The following DACH1 variants were observed in gnomAD, a reference collection of about 807,000 sequenced individuals.
DACH1 encodes dachshund family transcription factor 1.
A neutral mutation model predicts 54.2 loss-of-function variants in DACH1; 12 were observed. The observed-to-expected ratio is 0.22, with a 90% CI of 0.14 to 0.36. The LOEUF (loss-of-function observed/expected upper bound fraction) is 0.36, where lower values mean the gene tolerates loss of function less well. DACH1 is among the 10% of genes least tolerant of loss of function. DACH1 has a pLI of 1.00. For synonymous variants in DACH1, 386 were observed against 366.2 expected (o/e 1.05, Z -0.62); for missense variants, 805 against 929.8 (o/e 0.87, Z 1.75).
intron 8 of DACH1, among the ~76,000 whole-genome samples, chr13:71,477,424 T>G (rs1877671872): frequency 6.6e-6 from 1 of 151,902 alleles, no homozygotes; most frequent in Non-Finnish European, 1.5e-5. Flanking sequence ...CCCGGCCTAT[T>G]ATTAATATTT....
intron 1 of DACH1, among the ~76,000 whole-genome samples, chr13:71,778,100 A>G (rs1384025674): frequency 1.7e-5 from 2 of 114,828 alleles, no homozygotes. Flanking sequence ...TACAATAAAT[A>G]AATAAATAAA....
chr13:71,526,706 G>GTA (rs36030987), intron 6 of DACH1, among the ~76,000 whole-genome samples: 17,007 of 144,116 alleles, frequency 0.12, 1,524 homozygotes, highest in East Asian at 0.41. Flanking sequence ...ATGTGTGTGT[G>GTA]TATATATATA....
chr13:71,564,738 C>T (rs1486311269), intron 4 of DACH1, among the ~76,000 whole-genome samples: 7 of 152,038 alleles, frequency 4.6e-5, no homozygotes, highest in Admixed American at 4.6e-4. Flanking sequence ...TATATTTTAT[C>T]AAATTAAAAT....
chr13:71,617,351 C>T (rs963203838), intron 3 of DACH1, among the ~76,000 whole-genome samples: 2 of 151,938 alleles, frequency 1.3e-5, no homozygotes. Flanking sequence ...ACCTTTATTT[C>T]TCAACATTCA....
intron 1 of DACH1, among the ~76,000 whole-genome samples, chr13:71,734,050 AAAAAT>A (rs1346833605): frequency 2.0e-5 from 3 of 151,820 alleles, no homozygotes; most frequent in South Asian, 4.1e-4. Context: ...CTCCATCTCA[AAAAAT>A]AAAATAAAAT....
chr13:71,558,649 T>G (rs952999883), intron 5 of DACH1, among the ~76,000 whole-genome samples: 3 of 152,032 alleles, frequency 2.0e-5, no homozygotes, highest in Admixed American at 6.6e-5. Flanking sequence ...AGTAAATATT[T>G]CATTTGAAAA....
chr13:71,577,067 C>A (rs1337681306), intron 3 of DACH1, among the ~76,000 whole-genome samples: 1 of 152,090 alleles, frequency 6.6e-6, no homozygotes, highest in African/African-American at 2.4e-5. Flanking sequence ...CCTAACTGCA[C>A]AAGTCCCTCA....
intron 2 of DACH1, among the ~76,000 whole-genome samples, chr13:71,664,175 T>C (rs1879683911): frequency 6.6e-6 from 1 of 152,096 alleles, no homozygotes; most frequent in South Asian, 2.1e-4. Flanking sequence ...TCTTGAGTTA[T>C]CAGTCCAGAA....
chr13:71,589,100 A>ATT (rs1873504870), intron 3 of DACH1, among the ~76,000 whole-genome samples: 1 of 152,016 alleles, frequency 6.6e-6, no homozygotes, highest in Non-Finnish European at 1.5e-5. Flanking sequence ...GGTTATGACA[A>ATT]TTTTTAATAG....
intron 4 of DACH1, among the ~76,000 whole-genome samples, chr13:71,561,487 T>C (rs1884580543): frequency 6.6e-6 from 1 of 152,104 alleles, no homozygotes; most frequent in East Asian, 1.9e-4. Context: ...TTGTGCAGCT[T>C]CAAGCCAGGG....
chr13:71,803,137 T>C lies in DACH1; in HGVS notation c.848+62785A>G, dbSNP rs117454910. On this transcript the variant is annotated intron_variant, in intron 1 of 10. Coordinates refer to ENST00000613252, the MANE Select transcript of DACH1 (RefSeq NM_080759.6). ...CAAAGGCACATCAATAAAAAGTATT[T>C]ATGGGAACAAGATACCAATTTAATA... Among the ~76,000 whole-genome samples, 938 of 152,262 alleles carry C rather than the reference T, an allele frequency of 6.2e-3. 7 individuals are homozygous for C. Among genetic ancestry groups the C allele is most frequent in the Non-Finnish European group, 7.1e-3 (485 of 67,992 alleles).
intron 1 of DACH1, among the ~76,000 whole-genome samples, chr13:71,827,446 G>C (rs1465966077): frequency 6.6e-6 from 1 of 152,084 alleles, no homozygotes; most frequent in African/African-American, 2.4e-5. Flanking sequence ...AACCTAATTG[G>C]TAAGGCATCT....
chr13:71,756,429 T>C (rs1350736978), intron 1 of DACH1, among the ~76,000 whole-genome samples: 1 of 152,020 alleles, frequency 6.6e-6, no homozygotes, highest in Non-Finnish European at 1.5e-5. Context: ...GAATTGAACA[T>C]CCACCCTCAT....
At chr13:71,564,042 CACAATAAA>C (rs1884759373) in intron 4 of DACH1, among the ~76,000 whole-genome samples, 1 of 151,808 alleles carries the variant, frequency 6.6e-6, no homozygotes, top group Non-Finnish European at 1.5e-5. Flanking sequence ...TACATTGTTG[CACAATAAA>C]TTAATTTATT....
At chr13:71,497,997 T>C (rs1382818455) in intron 6 of DACH1, among the ~76,000 whole-genome samples, 2 of 151,944 alleles carry the variant, frequency 1.3e-5, no homozygotes, top group Non-Finnish European at 2.9e-5. Context: ...TTCTTGGATA[T>C]ACTTCAAGCA....
intron 2 of DACH1, among the ~76,000 whole-genome samples, chr13:71,643,006 CAG>C (rs1878021271): frequency 6.6e-6 from 1 of 151,344 alleles, no homozygotes; most frequent in Admixed American, 6.6e-5. Context: ...GCCTGGGAGA[CAG>C]AGTGAGACTC....
At chr13:71,846,141 A>T in intron 1 of DACH1, 1 of 190,746 alleles carries the variant, frequency 5.2e-6, no homozygotes, top group Non-Finnish European at 1.2e-5. Context: ...ATGTACACAA[A>T]GCGAGAACAG....
intron 6 of DACH1, among the ~76,000 whole-genome samples, chr13:71,533,517 C>T (rs780561803): frequency 1.3e-5 from 2 of 151,880 alleles, no homozygotes; most frequent in Non-Finnish European, 2.9e-5. Context: ...CAGTTATTTC[C>T]GGCCTATATT....
chr13:71,490,650 G>A (rs1221549244), intron 6 of DACH1, among the ~76,000 whole-genome samples: 5 of 152,186 alleles, frequency 3.3e-5, no homozygotes, highest in Admixed American at 3.3e-4. Flanking sequence ...AGATGGCCAT[G>A]CAGGGGCAGG....
Sources: allele counts gnomAD v4.1 joint callset (sites outside exome capture counted in the v4.1 genomes callset), GRCh38; gene constraint gnomAD v4.1.1; transcripts MANE v1.5; gene names NCBI Gene and HGNC (gene_info 2026-07-23, HGNC 2026-07-21).